The following DPP6 variants were observed in gnomAD, a reference collection of about 807,000 sequenced individuals.
DPP6 encodes A-type potassium channel modulatory protein DPP6.
Under a neutral mutation model 122.6 loss-of-function variants are expected in DPP6, and 69 were observed. That is an observed-to-expected ratio of 0.56 (90% CI 0.46 to 0.69). The LOEUF (loss-of-function observed/expected upper bound fraction) is 0.69, where lower values mean the gene tolerates loss of function less well. Ranked by LOEUF, DPP6 falls within the 30% of genes least tolerant of loss-of-function variation. The pLI, the probability that DPP6 is intolerant of heterozygous loss-of-function variation, is 0.00. For synonymous variants in DPP6, 418 were observed against 433.1 expected (o/e 0.97, Z 0.43); for missense variants, 928 against 1,116.9 (o/e 0.83, Z 2.41).
intron 1 of DPP6, among the ~76,000 whole-genome samples, chr7:154,005,896 T>C (rs1023751079): frequency 2.2e-4 from 33 of 152,178 alleles, no homozygotes; most frequent in Admixed American, 1.4e-3. Context: ...ACTGCCGCCA[T>C]TCCCCATGGC....
chr7:154,693,310 A>G (rs1408718336), intron 7 of DPP6, among the ~76,000 whole-genome samples: 3 of 152,154 alleles, frequency 2.0e-5, no homozygotes, highest in South Asian at 2.1e-4. Flanking sequence ...GGCTTCCGTT[A>G]AGTCTCCTCC....
chr7:154,550,786 T>A (rs1166210448), intron 4 of DPP6, among the ~76,000 whole-genome samples: 1 of 151,542 alleles, frequency 6.6e-6, no homozygotes, highest in African/African-American at 2.4e-5. Context: ...GTTTTGCTCT[T>A]GTTGCCCAAG....
At chr7:154,802,972 C>T (rs906962620) in intron 13 of DPP6, among the ~76,000 whole-genome samples, 3 of 152,256 alleles carry the variant, frequency 2.0e-5, no homozygotes, top group Admixed American at 6.5e-5. Context: ...CCTGCACTGC[C>T]CATGAGGCAC....
At chr7:154,491,820 T>A (rs1236168068) in intron 3 of DPP6, among the ~76,000 whole-genome samples, 2 of 152,186 alleles carry the variant, frequency 1.3e-5, no homozygotes, top group African/African-American at 4.8e-5. Flanking sequence ...TTTAGGCAAG[T>A]TCCTCTTCTC....
chr7:154,760,453 G>C lies in DPP6; in HGVS notation c.884-8964G>C, dbSNP rs188438037. On this transcript the variant is annotated intron_variant, in intron 8 of 25. Transcript: ENST00000377770. This position sits in a 1 kb window ranked among gnomAD's most constrained non-coding sequence, Gnocchi z 4.5. ...AGACTTCAGCCAGTTCTCTTATCTCGGGGCGGAGGGAGCGTCAGTGTTTCA... is the reference window on the plus strand; with the variant it reads ...AGACTTCAGCCAGTTCTCTTATCTCCGGGCGGAGGGAGCGTCAGTGTTTCA... Among the ~76,000 whole-genome samples the C allele has an allele frequency of 2.6e-5, 4 of 152,124 alleles. No individual in the cohort carries two copies. The East Asian group carries it at 7.7e-4, about 29-fold the overall frequency.
intron 7 of DPP6, among the ~76,000 whole-genome samples, chr7:154,727,184 C>T (rs1034400768): frequency 6.6e-6 from 1 of 152,206 alleles, no homozygotes; most frequent in African/African-American, 2.4e-5. Flanking sequence ...GTTTAATTGA[C>T]TCATGATTCT....
chr7:154,849,944 AT>A (rs1435803178), intron 16 of DPP6, among the ~76,000 whole-genome samples: 9 of 152,190 alleles, frequency 5.9e-5, no homozygotes, highest in Admixed American at 2.0e-4. Context: ...CATTTTGTTA[AT>A]ATGGTGAATC....
At chr7:154,088,495 C>T (rs989699094) in intron 1 of DPP6, among the ~76,000 whole-genome samples, 1 of 147,484 alleles carries the variant, frequency 6.8e-6, no homozygotes, top group Non-Finnish European at 1.5e-5. Context: ...AGGCAACTCT[C>T]CCCAGCTATG....
At chr7:154,517,334 G>C (rs547537237) in intron 3 of DPP6, among the ~76,000 whole-genome samples, 1 of 152,136 alleles carries the variant, frequency 6.6e-6, no homozygotes, top group Non-Finnish European at 1.5e-5. Context: ...CAGCGATTCT[G>C]CTTGGAGAAG....
At chr7:153,867,465 G>A in the DPP6 span, among the ~76,000 whole-genome samples, 1 of 152,162 alleles carries the variant, frequency 6.6e-6, no homozygotes, top group Non-Finnish European at 1.5e-5. Flanking sequence ...TGTTATTGGT[G>A]TATAAGAATG....
intron 1 of DPP6, among the ~76,000 whole-genome samples, chr7:153,922,504 A>G (rs1303944456): frequency 2.6e-5 from 4 of 152,202 alleles, no homozygotes; most frequent in Non-Finnish European, 5.9e-5. Flanking sequence ...GTCTCTAAAA[A>G]CAAGATGAAG....
At chr7:154,749,209 G>A (rs1843201732) in intron 8 of DPP6, among the ~76,000 whole-genome samples, 2 of 140,578 alleles carry the variant, frequency 1.4e-5, no homozygotes, top group Non-Finnish European at 3.1e-5. Flanking sequence ...CTGAGAGAGG[G>A]TGAGGGAGCA....
the DPP6 span, among the ~76,000 whole-genome samples, chr7:153,835,528 A>G: frequency 1.3e-5 from 2 of 152,166 alleles, no homozygotes; most frequent in African/African-American, 4.8e-5. Flanking sequence ...AATGCTCTCA[A>G]GATAGAATTT....
chr7:154,518,591 G>A (rs1190385630), intron 3 of DPP6, among the ~76,000 whole-genome samples: 4 of 152,094 alleles, frequency 2.6e-5, no homozygotes, highest in Admixed American at 2.6e-4. Flanking sequence ...TATGTGAAAT[G>A]GGAGGACTGT....
intron 2 of DPP6, among the ~76,000 whole-genome samples, chr7:154,455,953 T>G (rs1873602): frequency 0.66 from 100,370 of 151,824 alleles, 33,807 homozygotes; most frequent in East Asian, 0.91. Flanking sequence ...TTAATTTTGG[T>G]GGCCTTAAGG....
At chr7:154,027,949 C>T (rs556643851) in intron 1 of DPP6, among the ~76,000 whole-genome samples, 8 of 150,946 alleles carry the variant, frequency 5.3e-5, no homozygotes, top group African/African-American at 2.0e-4. Flanking sequence ...GGCTGCCTGC[C>T]TGCCAGCCTC....
At chr7:154,678,182 C>T (rs1277673014) in intron 7 of DPP6, among the ~76,000 whole-genome samples, 1 of 152,206 alleles carries the variant, frequency 6.6e-6, no homozygotes, top group Non-Finnish European at 1.5e-5. Context: ...ATGGACCAAT[C>T]AGCAGGATGG....
At chr7:154,512,954 A>C (rs1014331800) in intron 3 of DPP6, among the ~76,000 whole-genome samples, 7 of 152,204 alleles carry the variant, frequency 4.6e-5, no homozygotes, top group African/African-American at 1.7e-4. Flanking sequence ...AGGAAAAACC[A>C]TCTTCAATTT....
At chr7:154,792,119 G>A (rs545111968) in intron 10 of DPP6, among the ~76,000 whole-genome samples, 5 of 152,328 alleles carry the variant, frequency 3.3e-5, no homozygotes, top group East Asian at 1.9e-4. Context: ...TAGTCATTCC[G>A]GGAGACCTTA....
Sources: allele counts gnomAD v4.1 joint callset (sites outside exome capture counted in the v4.1 genomes callset), GRCh38; gene constraint gnomAD v4.1.1; non-coding constraint Gnocchi (gnomAD v3.1); transcripts MANE v1.5; gene names NCBI Gene and HGNC (gene_info 2026-07-23, HGNC 2026-07-21).